Variants in EXD2 observed in about 807,000 individuals in gnomAD.
The protein encoded by EXD2 is exonuclease 3'-5' domain containing 2.
In EXD2, 40 loss-of-function variants were observed where a neutral mutation model predicts 62.5. That is an observed-to-expected ratio of 0.64 (90% CI 0.50 to 0.83). The LOEUF (loss-of-function observed/expected upper bound fraction) is 0.83. Among genes scored for constraint, EXD2 ranks in the 40% least tolerant of loss-of-function variants. The pLI, the probability that EXD2 is intolerant of heterozygous loss-of-function variation, is 0.00. For missense variants in EXD2, 671 were observed against 761.8 expected (o/e 0.88, Z 1.40); for synonymous variants, 239 against 291.9 (o/e 0.82, Z 1.85).
Position 69,228,482 on chromosome 14 carries a change from G to A in EXD2, c.334-334G>A, listed in dbSNP as rs779999655. ...GCTGGGATTACAGGCATGAGCTACC[G>A]TGCCCAGCCTCCTTAGCCTTTTAAA... On this transcript the variant is annotated intron_variant, in intron 3 of 9. Transcript: ENST00000685843. Among the ~76,000 whole-genome samples the A allele has an allele frequency of 5.3e-5, 8 of 152,068 alleles. No homozygotes were observed. In the East Asian group the frequency reaches 1.2e-3, roughly 22 times the overall value.
chr14:69,216,339 T>C (rs2042987557), intron 3 of EXD2, among the ~76,000 whole-genome samples: 1 of 152,226 alleles, frequency 6.6e-6, no homozygotes, highest in Admixed American at 6.5e-5. Context: ...CTTTCTTATT[T>C]ACCATTGCTT....
chr14:69,212,401 CAG>C (rs2042838480), intron 3 of EXD2, among the ~76,000 whole-genome samples: 1 of 152,002 alleles, frequency 6.6e-6, no homozygotes, highest in African/African-American at 2.4e-5. Flanking sequence ...AAAACGAAGA[CAG>C]AAATGAAAAA....
chr14:69,233,361 G>A (rs1430444840), intron 5 of EXD2, among the ~76,000 whole-genome samples: 6 of 151,358 alleles, frequency 4.0e-5, no homozygotes, highest in Non-Finnish European at 7.4e-5. Flanking sequence ...TACACTTTTT[G>A]TTGGGAAAAG....
In EXD2 at chr14:69,237,761, G is replaced by T. The variant is rs749441521; in HGVS notation, c.1479G>T (p.Leu493=). ...APIGSEEGLR[L]LEDPERRQVR... ...TCGGCTCTGAGGAGGGCTTGCGCCT[G>T]CTGGAAGATCCTGAGCGCCGGCAGG... Residue 493 remains leucine (L), a synonymous_variant, in exon 9 of 10, where the codon CTG becomes CTT. Coordinates refer to ENST00000685843, the MANE Select transcript of EXD2 (RefSeq NM_001193360.2). The T allele has an allele frequency of 2.3e-5, 37 of 1,613,794 alleles. No homozygotes were observed. Among genetic ancestry groups the T allele is most frequent in the Non-Finnish European group, 3.0e-5 (35 of 1,179,928 alleles).
chr14:69,216,796 C>A (rs999707607), intron 3 of EXD2, among the ~76,000 whole-genome samples: 6 of 152,038 alleles, frequency 3.9e-5, no homozygotes, highest in Non-Finnish European at 5.9e-5. Flanking sequence ...TTAAATCTAG[C>A]TAATTAACAA....
intron 3 of EXD2, among the ~76,000 whole-genome samples, chr14:69,216,862 A>G (rs562931905): frequency 1.6e-4 from 25 of 152,286 alleles, no homozygotes; most frequent in African/African-American, 5.8e-4. Flanking sequence ...AACATACACT[A>G]TCTTTGCATT....
At chr14:69,231,600 A>G (rs1170740371) in intron 5 of EXD2, among the ~76,000 whole-genome samples, 1 of 151,814 alleles carries the variant, frequency 6.6e-6, no homozygotes, top group Non-Finnish European at 1.5e-5. Context: ...TCCACCCCAG[A>G]CTCCTTATCA....
Position 69,201,249 on chromosome 14 carries a change from TA to T in EXD2, c.-131-2667del, listed in dbSNP as rs937974569. Among the ~76,000 whole-genome samples the T allele has an allele frequency of 5.3e-5, 8 of 152,074 alleles. No homozygotes were observed. In the South Asian group the frequency reaches 1.3e-3, roughly 24 times the overall value. ...TGTCCCCCAGGCTGGAGTGCAGTGT[TA>T]TGATCTCAGCTCACTGCAACCTCCG... is the stretch of plus-strand genomic sequence containing the variant. On this transcript the variant is annotated intron_variant, in intron 1 of 9. Transcript: ENST00000685843.
At chr14:69,204,942 C>G (rs2042536509) in intron 2 of EXD2, among the ~76,000 whole-genome samples, 1 of 152,170 alleles carries the variant, frequency 6.6e-6, no homozygotes, top group Admixed American at 6.5e-5. Context: ...GTTAAGGTTC[C>G]TGTTCTCATG....
intron 8 of EXD2, 103 bp from the exon 9 acceptor site, chr14:69,237,472 T>A: frequency 1.9e-6 from 2 of 1,031,586 alleles, no homozygotes; most frequent in Non-Finnish European, 1.5e-6. Flanking sequence ...GGCTTCTCAG[T>A]CATGGTTAGG....
chr14:69,203,239 A>ATT (rs35897888), intron 1 of EXD2, among the ~76,000 whole-genome samples: 52 of 144,776 alleles, frequency 3.6e-4, no homozygotes, highest in East Asian at 1.8e-3. Context: ...GTTTTTTGTA[A>ATT]TTTTTTTTTT....
chr14:69,241,255 A>G lies in EXD2; in HGVS notation c.*155A>G, dbSNP rs969474702. ...AATCCCAGGATGCTTCTGCTGGAGC[A>G]AAGATATTGTTTGAAGGAGAGTTTA... On this transcript the variant is annotated 3_prime_UTR_variant, in exon 10 of 10. Transcript: ENST00000685843. 1 of 638,872 alleles carries G rather than the reference A, an allele frequency of 1.6e-6. No individual in the cohort carries two copies. The allele number at this position is 638,872 out of a possible 1,614,324, so 39.6% of individuals were successfully genotyped here. A position where few individuals can be genotyped will look rare whatever the true frequency, so the allele number is the denominator to read the frequency against.
At chr14:69,214,133 T>C (rs1030481903) in intron 3 of EXD2, 4 of 152,216 alleles carry the variant, frequency 2.6e-5, no homozygotes, top group African/African-American at 9.7e-5. Flanking sequence ...GCTTCCGTTA[T>C]TGCTGTTGAA....
At chr14:69,213,430 G>T (rs1187695418) in intron 3 of EXD2, among the ~76,000 whole-genome samples, 4 of 127,976 alleles carry the variant, frequency 3.1e-5, no homozygotes, top group African/African-American at 1.2e-4. Context: ...TTGTGCAGTT[G>T]TGTGAGCATG....
chr14:69,193,057 TCTC>T (rs1343193040), intron 1 of EXD2, among the ~76,000 whole-genome samples: 2 of 146,268 alleles, frequency 1.4e-5, no homozygotes, highest in African/African-American at 5.1e-5. Flanking sequence ...CCATTCTCTC[TCTC>T]TTTTTTTTTT....
At chr14:69,222,872 A>G (rs1228736825) in intron 3 of EXD2, among the ~76,000 whole-genome samples, 2 of 152,194 alleles carry the variant, frequency 1.3e-5, no homozygotes, top group African/African-American at 4.8e-5. Flanking sequence ...GTGTACAAAT[A>G]TGATGGTAAG....
At chr14:69,228,350 C>G (rs1363318411) in intron 3 of EXD2, among the ~76,000 whole-genome samples, 1 of 152,108 alleles carries the variant, frequency 6.6e-6, no homozygotes, top group Admixed American at 6.5e-5. Flanking sequence ...TGCCACCATG[C>G]CCAGCTAATT....
In EXD2 at chr14:69,228,973, T is replaced by C; in HGVS notation, c.491T>C (p.Val164Ala). ...DILADGTILK[V>A]GVGCSEDASK... ...TTGGCAGATGGCACCATTTTGAAAG[T>C]TGGAGTGGGATGCTCAGAAGATGCC... Residue 164 changes from valine (V) to alanine (A), a missense_variant, in exon 4 of 10, where the codon GTT (valine) becomes GCT (alanine). Transcript: ENST00000685843. 1 of 1,614,138 alleles carries C rather than the reference T, an allele frequency of 6.2e-7. No individual in the cohort carries two copies. Among genetic ancestry groups the C allele is most frequent in the South Asian group, 1.1e-5 (1 of 91,072 alleles).
At chr14:69,201,672 G>GTTTTTTTTTTT (rs71102634) in intron 1 of EXD2, among the ~76,000 whole-genome samples, 1 of 58,992 alleles carries the variant, frequency 1.7e-5, no homozygotes, top group African/African-American at 6.8e-5. Flanking sequence ...TGTTTTCTCT[G>GTTTTTTTTTTT]TTTTTTTTTT....
Sources: gnomAD v4.1 joint callset for allele counts (sites outside exome capture counted in the v4.1 genomes callset) on GRCh38, gnomAD v4.1.1 for gene constraint, MANE v1.5 for transcripts, NCBI Gene and HGNC (gene_info 2026-07-23, HGNC 2026-07-21) for gene names.